Variants in ARHGEF26 observed in about 807,000 individuals in gnomAD.
The protein encoded by ARHGEF26 is Rho guanine nucleotide exchange factor (GEF) 26.
A neutral mutation model predicts 89.4 loss-of-function variants in ARHGEF26; 59 were observed. The ratio of observed to expected loss-of-function variants is 0.66; its 90% CI spans 0.54 to 0.82. The LOEUF is 0.82. Among genes scored for constraint, ARHGEF26 ranks in the 40% least tolerant of loss-of-function variants. The probability of loss-of-function intolerance (pLI) is 0.00; values close to 1 mark genes in which losing one functional copy is unlikely to be tolerated. For missense variants in ARHGEF26, 1,234 were observed against 1,085.6 expected, an observed-to-expected ratio of 1.14 and a Z score of -1.92; for synonymous variants, 500 against 428.4, an observed-to-expected ratio of 1.17 and a Z score of -2.06.
intron 3 of ARHGEF26, among the ~76,000 whole-genome samples, chr3:154,124,915 C>T (rs1042067010): frequency 1.3e-5 from 2 of 152,006 alleles, no homozygotes; most frequent in Admixed American, 6.6e-5. Context: ...CTCTAACTCT[C>T]CTGGCTGACA....
chr3:154,232,229 T>G (rs1716870751), intron 11 of ARHGEF26, among the ~76,000 whole-genome samples: 1 of 152,218 alleles, frequency 6.6e-6, no homozygotes, highest in South Asian at 2.1e-4. Flanking sequence ...AGTGCTGGGC[T>G]GTGGCATCTG....
rs1449433124 is a variant in ARHGEF26 at position 154,177,012 on chromosome 3, A to G, written c.1488-10673A>G. Among the ~76,000 whole-genome samples the G allele has an allele frequency of 2.6e-5, 4 of 152,144 alleles. No homozygotes were observed. The East Asian group carries it at 7.7e-4, about 29-fold the overall frequency. ...GAAGAGTAAATACCATAAAAAGCCC[A>G]TTGCAGAAGGTGTGTGTTTCAAAGC... On this transcript the variant is annotated intron_variant, in intron 6 of 14. Transcript: ENST00000465093.
rs773556104 is a variant in ARHGEF26, at chr3:154,255,415, C to A, written c.2558C>A (p.Thr853Lys). The A allele has an allele frequency of 6.2e-7, 1 of 1,613,664 alleles. No homozygotes were observed. Among genetic ancestry groups the A allele is most frequent in the South Asian group, 1.1e-5 (1 of 91,054 alleles). Residue 853 changes from threonine (T) to lysine (K), a missense_variant, in exon 15 of 15, where the codon ACA becomes AAA. By Grantham distance (78) the Thr-to-Lys change is moderately conservative. Coordinates refer to ENST00000465093, the MANE Select transcript of ARHGEF26 (RefSeq NM_015595.4). The stretch of plus-strand genomic sequence containing the variant: ...GCCAAGGAGATAACATGTCAAGCTA[C>A]AATTGATAAGAATGTGGAGAGAATG... ...ECAKEITCQATIDKNVERMGR... is the reference protein window; with the variant it reads ...ECAKEITCQAKIDKNVERMGR...
intron 11 of ARHGEF26, among the ~76,000 whole-genome samples, chr3:154,235,913 T>A (rs1022964430): frequency 6.6e-6 from 1 of 152,224 alleles, no homozygotes; most frequent in African/African-American, 2.4e-5. Context: ...TTAGTATTTT[T>A]AAAATGTATG....
At chr3:154,134,277 AT>A (rs989079639) in intron 4 of ARHGEF26, among the ~76,000 whole-genome samples, 1 of 152,062 alleles carries the variant, frequency 6.6e-6, no homozygotes, top group African/African-American at 2.4e-5. Context: ...TGATAAAGAC[AT>A]CCCTGAGACT....
At chr3:154,231,979 AT>A (rs1176849989) in intron 11 of ARHGEF26, among the ~76,000 whole-genome samples, 1 of 151,524 alleles carries the variant, frequency 6.6e-6, no homozygotes, top group Non-Finnish European at 1.5e-5. Context: ...TAAATAGTAT[AT>A]TTTTCCTTTT....
At chr3:154,232,418 TG>T (rs1467556879) in intron 11 of ARHGEF26, among the ~76,000 whole-genome samples, 1 of 152,212 alleles carries the variant, frequency 6.6e-6, no homozygotes, top group Non-Finnish European at 1.5e-5. Flanking sequence ...CTTGAGGAAC[TG>T]AGCAAGTAAG....
chr3:154,205,121 AT>A lies in ARHGEF26; in HGVS notation c.1845+10404del, dbSNP rs1405916489. On this transcript the variant is annotated intron_variant, in intron 9 of 14. Transcript: ENST00000465093. ...TGGGATGTTGAAGTCTCTAGCTATTATGGTACTATGGTGTATCTCTTTCTTT... is the reference window on the plus strand; with the variant it reads ...TGGGATGTTGAAGTCTCTAGCTATTAGGTACTATGGTGTATCTCTTTCTTT... Among the ~76,000 whole-genome samples, 22 of 152,306 alleles carry A rather than the reference AT, an allele frequency of 1.4e-4. 1 individual carries two copies. The South Asian group carries it at 4.4e-3, about 30-fold the overall frequency.
chr3:154,176,148 A>G (rs1396546441), intron 6 of ARHGEF26, among the ~76,000 whole-genome samples: 5 of 152,176 alleles, frequency 3.3e-5, no homozygotes, highest in African/African-American at 9.7e-5. Flanking sequence ...ACCGGAGACT[A>G]TCACCCTGTG....
intron 9 of ARHGEF26, among the ~76,000 whole-genome samples, chr3:154,208,457 T>A (rs752966956): frequency 6.6e-6 from 1 of 152,146 alleles, no homozygotes; most frequent in Non-Finnish European, 1.5e-5. Flanking sequence ...TCTGTAACCT[T>A]CTTGTACTTG....
intron 10 of ARHGEF26, among the ~76,000 whole-genome samples, chr3:154,223,284 AG>A (rs893777107): frequency 6.6e-6 from 1 of 152,176 alleles, no homozygotes; most frequent in Non-Finnish European, 1.5e-5. Flanking sequence ...TGTAGAGGAC[AG>A]TTTGTTAGTT....
At chr3:154,188,272 A>C (rs116051275) in intron 7 of ARHGEF26, among the ~76,000 whole-genome samples, 33 of 152,338 alleles carry the variant, frequency 2.2e-4, no homozygotes, top group African/African-American at 7.0e-4. Flanking sequence ...GACAACGATA[A>C]TAAATTGTTC....
intron 9 of ARHGEF26, among the ~76,000 whole-genome samples, chr3:154,207,106 T>A (rs1715064170): frequency 6.6e-6 from 1 of 151,970 alleles, no homozygotes; most frequent in South Asian, 2.1e-4. Context: ...TATACAAAAA[T>A]CAAGATAGAT....
At chr3:154,232,316 C>A (rs980866135) in intron 11 of ARHGEF26, among the ~76,000 whole-genome samples, 1 of 152,134 alleles carries the variant, frequency 6.6e-6, no homozygotes, top group Non-Finnish European at 1.5e-5. Flanking sequence ...GGCAGTCATA[C>A]TGATGAATGG....
chr3:154,248,266 G>A (rs1717916608), intron 12 of ARHGEF26, among the ~76,000 whole-genome samples: 1 of 152,130 alleles, frequency 6.6e-6, no homozygotes, highest in Non-Finnish European at 1.5e-5. Flanking sequence ...AATGTGGTTG[G>A]TGCTGTCAAC....
chr3:154,186,932 G>T (rs1479713728), intron 6 of ARHGEF26, among the ~76,000 whole-genome samples: 1 of 107,406 alleles, frequency 9.3e-6, no homozygotes, highest in Non-Finnish European at 1.7e-5. Flanking sequence ...AGTCTCTGTC[G>T]CCAGGCTGGA....
At chr3:154,214,080 AG>A (rs1559903874) in intron 9 of ARHGEF26, among the ~76,000 whole-genome samples, 1 of 152,158 alleles carries the variant, frequency 6.6e-6, no homozygotes, top group Non-Finnish European at 1.5e-5. Context: ...CATGCAAAAG[AG>A]GGAAGGTGGG....
Position 154,206,326 on chromosome 3 carries a change from T to C in ARHGEF26, c.1846-11543T>C, listed in dbSNP as rs1021651167. ...CTGCTTTTGTTTTATTTATTTTTTG[T>C]AGAGATGGGGTCTCACTGTGTTATC... On this transcript the variant is annotated intron_variant, in intron 9 of 14. Coordinates refer to ENST00000465093, the MANE Select transcript of ARHGEF26 (RefSeq NM_015595.4). 3.3e-5 allele frequency among the ~76,000 whole-genome samples: 5 copies of C among 152,286 alleles called. No homozygotes were observed. In the East Asian group the frequency reaches 5.8e-4, roughly 18 times the overall value.
chr3:154,124,526 T>A, intron 3 of ARHGEF26, 77 bp downstream of exon 3: 1 of 1,256,244 alleles, frequency 8.0e-7, no homozygotes, highest in Non-Finnish European at 1.1e-6. Context: ...CCAACTGCAG[T>A]AACAAAAATG....
Sources: allele counts gnomAD v4.1 joint callset (sites outside exome capture counted in the v4.1 genomes callset), GRCh38; gene constraint gnomAD v4.1.1; transcripts MANE v1.5; gene names NCBI Gene and HGNC (gene_info 2026-07-23, HGNC 2026-07-21).